Variants in DMTN observed in about 807,000 individuals in gnomAD.
DMTN encodes dematin.
Under a neutral mutation model 59.4 loss-of-function variants are expected in DMTN, and 27 were observed. The ratio of observed to expected loss-of-function variants is 0.45; its 90% confidence interval spans 0.33 to 0.63. The LOEUF is 0.63. DMTN is among the 20% of genes least tolerant of loss of function. The pLI, the probability that DMTN is intolerant of heterozygous loss-of-function variation, is 0.02. For synonymous variants in DMTN, 221 were observed against 203.7 expected, an observed-to-expected ratio of 1.08 and a Z score of -0.72; for missense variants, 451 against 528.9, an observed-to-expected ratio of 0.85 and a Z score of 1.45.
At chr8:22,067,975 C>T (rs571255594) in intron 4 of DMTN, among the ~76,000 whole-genome samples, 2 of 152,280 alleles carry the variant, frequency 1.3e-5, no homozygotes, top group South Asian at 4.1e-4. Context: ...GCATTGAGAG[C>T]GGGGGCTGAA....
intron 10 of DMTN, among the ~76,000 whole-genome samples, chr8:22,079,303 A>ATATATATAGATATATATAG (rs67715172): frequency 1.9e-5 from 1 of 52,220 alleles, no homozygotes; most frequent in Non-Finnish European, 3.9e-5. Context: ...TATATATATT[A>ATATATATAGATATATATAG]GCTGGGTTTG....
In DMTN at chr8:22,069,999, G is replaced by A. The variant is rs369609247; in HGVS notation, c.451+62G>A. ...GCTGCATGCTGGGAGGCCGTGCCCT[G>A]GGGCTGCGGGCTGGCTGGAGGGGGT... On this transcript the variant is annotated intron_variant, in intron 7 of 15. Transcript: ENST00000358242. The A allele has an allele frequency of 1.4e-5, 22 of 1,602,750 alleles. No individual in the cohort carries two copies. In the African/African-American group the frequency reaches 2.8e-4, roughly 20 times the overall value.
intron 8 of DMTN, among the ~76,000 whole-genome samples, chr8:22,071,368 T>A (rs1815346088): frequency 6.6e-6 from 1 of 152,088 alleles, no homozygotes; most frequent in South Asian, 2.1e-4. Flanking sequence ...ACTGCTGGGA[T>A]TACAGGCGTG....
intron 10 of DMTN, among the ~76,000 whole-genome samples, chr8:22,074,705 G>A (rs1361645441): frequency 6.6e-6 from 1 of 152,220 alleles, no homozygotes; most frequent in African/African-American, 2.4e-5. Flanking sequence ...GCCTCCAGGA[G>A]TCTGGAATTA....
chr8:22,069,903 C>T lies in DMTN; in HGVS notation c.417C>T (p.Asn139=), dbSNP rs1813916646. Residue 139 remains asparagine (N), a synonymous_variant, in exon 7 of 16, where the codon AAC becomes AAT. Coordinates refer to ENST00000358242, the MANE Select transcript of DMTN (RefSeq NM_001387751.1). ...CAGAGACCTCCCGCCCAGATTCCAA[C>T]ATCTACAAGAAGCCTCCCATCTATA... ...HHPETSRPDS[N]IYKKPPIYKQ... 1 of 1,614,022 alleles carries T rather than the reference C, an allele frequency of 6.2e-7. No homozygotes were observed. Among genetic ancestry groups the T allele is most frequent in the South Asian group, 1.1e-5 (1 of 91,078 alleles).
Position 22,056,899 on chromosome 8 carries a change from A to AGG in DMTN, c.-406_-405dup, listed in dbSNP as rs1156716870. 6.6e-6 allele frequency: 1 copy of AGG among 151,366 alleles called. No homozygotes were observed. The highest frequency in any genetic ancestry group is 1.5e-5 in the Non-Finnish European group (1 of 67,954). The allele number at this position is 151,366 out of a possible 1,614,324, so 9.4% of individuals were successfully genotyped here. ...GGGGGCAAGGAGGGTGGGGGCCCAG[A>AGG]GGGGAGATCAGACCGCTCAGCCGAG... On this transcript the variant is annotated 5_prime_UTR_variant, in exon 1 of 16. Transcript: ENST00000358242.
intron 10 of DMTN, among the ~76,000 whole-genome samples, chr8:22,074,766 G>A (rs1818418801): frequency 1.3e-5 from 2 of 152,164 alleles, no homozygotes; most frequent in South Asian, 4.1e-4. Flanking sequence ...CAAGAGATGG[G>A]GAGCGGGGCA....
At chr8:22,080,544 G>T in intron 12 of DMTN, 74 bp from the exon 13 acceptor site, 1 of 1,613,820 alleles carries the variant, frequency 6.2e-7, no homozygotes, top group South Asian at 1.1e-5. Flanking sequence ...TGTGGGCAGG[G>T]GTCTGGTGAG....
chr8:22,061,995 G>C (rs753159379), intron 1 of DMTN, among the ~76,000 whole-genome samples: 2 of 152,044 alleles, frequency 1.3e-5, no homozygotes, highest in Non-Finnish European at 2.9e-5. Flanking sequence ...GGCCTCAAGT[G>C]ATCCTCCTGC....
intron 10 of DMTN, among the ~76,000 whole-genome samples, chr8:22,079,302 T>TATATATATATATATATA (rs1491109949): frequency 1.1e-3 from 17 of 15,538 alleles, no homozygotes; most frequent in African/African-American, 2.0e-3. Flanking sequence ...ATATATATAT[T>TATATATATATATATATA]AGCTGGGTTT....
In DMTN at chr8:22,057,057, A is replaced by C. The variant is rs1803029771; in HGVS notation, c.-251A>C. The C allele has an allele frequency of 6.8e-6, 1 of 147,680 alleles. No individual in the cohort carries two copies. Among genetic ancestry groups the C allele is most frequent in the South Asian group, 2.1e-4 (1 of 4,684 alleles). The allele number at this position is 147,680 out of a possible 1,614,324, so 9.1% of individuals were successfully genotyped here. Reference sequence around the variant, plus strand: ...ACCTATTACCTAGGCTCCTGGGGGAAGTGACAGCCCGTGGATCTGGCCTAC... The same window carrying C: ...ACCTATTACCTAGGCTCCTGGGGGACGTGACAGCCCGTGGATCTGGCCTAC... On this transcript the variant is annotated 5_prime_UTR_variant, in exon 1 of 16. Coordinates refer to ENST00000358242, the MANE Select transcript of DMTN (RefSeq NM_001387751.1).
At chr8:22,068,872 A>C in intron 4 of DMTN, 144 bp from the exon 5 acceptor site, 334 of 865,558 alleles carry the variant, frequency 3.9e-4, no homozygotes, top group Non-Finnish European at 5.9e-4. Flanking sequence ...AACTGTGGGA[A>C]GGATCCAAGA....
At chr8:22,078,352 G>A (rs1174722126) in intron 10 of DMTN, among the ~76,000 whole-genome samples, 2 of 149,962 alleles carry the variant, frequency 1.3e-5, no homozygotes, top group Non-Finnish European at 3.0e-5. Context: ...GCAACAGAGT[G>A]AGACTCTGTA....
chr8:22,062,964 T>G (rs1320576254), intron 1 of DMTN, among the ~76,000 whole-genome samples: 1 of 152,210 alleles, frequency 6.6e-6, no homozygotes. Context: ...CTATTTCTTT[T>G]CAGTTCCCCA....
At chr8:22,052,219 T>C (rs117633628), upstream of DMTN, among the ~76,000 whole-genome samples, 551 of 152,344 alleles carry the variant, frequency 3.6e-3, 3 homozygotes, top group Middle Eastern at 0.041. Context: ...AGAACTGTCA[T>C]GATGTATGTG....
chr8:22,050,675 C>T (rs1255919215), upstream of DMTN, among the ~76,000 whole-genome samples: 3 of 152,138 alleles, frequency 2.0e-5, no homozygotes, highest in African/African-American at 7.2e-5. Flanking sequence ...GAGGGCCGCT[C>T]CAGAGGCCTG....
At chr8:22,049,171 G>A (rs2129723047), upstream of DMTN, 1 of 150,802 alleles carries the variant, frequency 6.6e-6, no homozygotes, top group East Asian at 2.0e-4. Context: ...GCGGAGCCCG[G>A]GCGGCCCGCG....
At chr8:22,061,264 C>T (rs1806142579) in intron 1 of DMTN, among the ~76,000 whole-genome samples, 1 of 131,192 alleles carries the variant, frequency 7.6e-6, no homozygotes, top group Non-Finnish European at 1.6e-5. Context: ...GCCTTGGTAA[C>T]AGAGTGAGAC....
At chr8:22,065,802 T>C (rs1810127687) in intron 1 of DMTN, among the ~76,000 whole-genome samples, 1 of 138,800 alleles carries the variant, frequency 7.2e-6, no homozygotes, top group Admixed American at 7.2e-5. Flanking sequence ...ACCCCTGCGC[T>C]CCGGCCTGGG....
Sources: gnomAD v4.1 joint callset for allele counts (sites outside exome capture counted in the v4.1 genomes callset) on GRCh38, gnomAD v4.1.1 for gene constraint, MANE v1.5 for transcripts, NCBI Gene and HGNC (gene_info 2026-07-23, HGNC 2026-07-21) for gene names.